The following MICAL2 variants were observed in gnomAD, a reference collection of about 807,000 sequenced individuals.
The protein encoded by MICAL2 is [F-actin]-monooxygenase MICAL2.
Under a neutral mutation model 127.3 loss-of-function variants are expected in MICAL2, and 77 were observed. That is an observed-to-expected ratio of 0.60 (90% CI 0.50 to 0.73). The LOEUF is 0.73. Among genes scored for constraint, MICAL2 ranks in the 30% least tolerant of loss-of-function variants. MICAL2 has a pLI of 0.00. For synonymous variants in MICAL2, 570 were observed against 551.1 expected, an observed-to-expected ratio of 1.03 and a Z score of -0.48; for missense variants, 1,351 against 1,434.4, an observed-to-expected ratio of 0.94 and a Z score of 0.94.
At chr11:12,128,100 TC>T (rs1235207348) in intron 1 of MICAL2, among the ~76,000 whole-genome samples, 2 of 152,216 alleles carry the variant, frequency 1.3e-5, no homozygotes, top group Admixed American at 6.5e-5. Flanking sequence ...TCCTTTCTTG[TC>T]CTGAAGCCAA....
rs1346390705 is a variant in MICAL2 at position 12,111,145 on chromosome 11, C to G, written c.-149+419C>G. Among the ~76,000 whole-genome samples, 3 of 152,220 alleles carry G rather than the reference C, an allele frequency of 2.0e-5. 1 individual carries two copies. The highest frequency in any genetic ancestry group is 2.9e-5 in the Non-Finnish European group (2 of 68,048). ...TTGGGGCTCCGAGCCTTGCACGCCC[C>G]GTTCCAGCTCTTCACTGGGCGCCCT... On this transcript the variant is annotated intron_variant, in intron 1 of 27. Transcript: ENST00000683283.
intron 1 of MICAL2, among the ~76,000 whole-genome samples, chr11:12,132,227 C>A (rs1341458912): frequency 6.6e-6 from 1 of 152,204 alleles, no homozygotes; most frequent in African/African-American, 2.4e-5. Flanking sequence ...GTTGAATAAT[C>A]TTTCCTGGCT....
chr11:12,295,123 G>A (rs1863969552), downstream of MICAL2, among the ~76,000 whole-genome samples: 1 of 143,788 alleles, frequency 7.0e-6, no homozygotes. Context: ...TTTTTACTAA[G>A]TTGTACATAA....
intron 3 of MICAL2, among the ~76,000 whole-genome samples, chr11:12,178,471 G>A (rs1472870562): frequency 6.6e-6 from 1 of 151,910 alleles, no homozygotes; most frequent in African/African-American, 2.4e-5. Context: ...TATGGGGGTG[G>A]GGGGCAGGCA....
chr11:12,252,803 G>C (rs1861732233), intron 22 of MICAL2: 1 of 152,160 alleles, frequency 6.6e-6, no homozygotes, highest in Non-Finnish European at 1.5e-5. Flanking sequence ...GGGCAGTCTT[G>C]GGTTTTGATG....
intron 2 of MICAL2, among the ~76,000 whole-genome samples, chr11:12,143,149 G>A (rs921404960): frequency 4.6e-5 from 7 of 152,344 alleles, no homozygotes; most frequent in Admixed American, 1.3e-4. Flanking sequence ...GAGGGGCTGT[G>A]AGACTTGGGT....
At chr11:12,115,996 T>C (rs1486037955) in intron 1 of MICAL2, among the ~76,000 whole-genome samples, 7 of 150,790 alleles carry the variant, frequency 4.6e-5, no homozygotes, top group African/African-American at 7.3e-5. Flanking sequence ...TTTTTTTTTT[T>C]CTGAGATGGA....
chr11:12,319,381 G>C (rs1285369149), intron 29 of MICAL2, among the ~76,000 whole-genome samples: 1 of 151,796 alleles, frequency 6.6e-6, no homozygotes, highest in African/African-American at 2.4e-5. Flanking sequence ...AATGCATTCT[G>C]AGCAACACAC....
At chr11:12,317,058 C>G (rs1413758860) in intron 29 of MICAL2, among the ~76,000 whole-genome samples, 2 of 152,146 alleles carry the variant, frequency 1.3e-5, no homozygotes, top group Non-Finnish European at 2.9e-5. Context: ...TAGAGTTTCT[C>G]TTTATGTATC....
intron 25 of MICAL2, 134 bp downstream of exon 25, chr11:12,258,690 T>C: frequency 1.3e-6 from 1 of 760,982 alleles, no homozygotes; most frequent in Non-Finnish European, 2.1e-6. Context: ...AGAAAGCCTC[T>C]GCTTCCTGGT....
chr11:12,168,422 A>G (rs1261261702), intron 3 of MICAL2, among the ~76,000 whole-genome samples: 2 of 150,562 alleles, frequency 1.3e-5, no homozygotes, highest in Non-Finnish European at 3.0e-5. Flanking sequence ...CATACCCCCC[A>G]CACACCATAT....
chr11:12,273,513 G>A (rs570173985), upstream of MICAL2, among the ~76,000 whole-genome samples: 4 of 149,516 alleles, frequency 2.7e-5, no homozygotes, highest in Non-Finnish European at 4.4e-5. Flanking sequence ...CTACAAACTA[G>A]CAACCCACTT....
intron 1 of MICAL2, among the ~76,000 whole-genome samples, chr11:12,125,378 C>T (rs990035091): frequency 3.3e-5 from 5 of 152,194 alleles, no homozygotes; most frequent in Admixed American, 6.5e-5. Context: ...CTCGACCTCC[C>T]GAGTAGCTGG....
At chr11:12,194,127 A>G (rs980520087) in intron 3 of MICAL2, among the ~76,000 whole-genome samples, 1 of 152,200 alleles carries the variant, frequency 6.6e-6, no homozygotes, top group Non-Finnish European at 1.5e-5. Context: ...CATTGGGTAG[A>G]TTGACAGCAC....
At chr11:12,239,637 A>C (rs749441656) in intron 17 of MICAL2, 52 bp downstream of exon 17, 21 of 1,589,822 alleles carry the variant, frequency 1.3e-5, no homozygotes, top group Non-Finnish European at 1.8e-5. Context: ...ACTTTTCAGC[A>C]GGAATGTTCT....
At chr11:12,358,691 C>T, downstream of MICAL2, 1 of 371,948 alleles carries the variant, frequency 2.7e-6, no homozygotes, top group Non-Finnish European at 4.7e-6. Flanking sequence ...GACTCTTTGG[C>T]AATTGGCAGT....
intron 3 of MICAL2, among the ~76,000 whole-genome samples, chr11:12,167,114 C>G (rs1387780386): frequency 2.0e-5 from 3 of 152,056 alleles, no homozygotes; most frequent in Non-Finnish European, 4.4e-5. Context: ...CCAATCCTGT[C>G]CAGGGTTCTT....
chr11:12,120,892 G>A (rs529144777), intron 1 of MICAL2, among the ~76,000 whole-genome samples: 1 of 152,304 alleles, frequency 6.6e-6, no homozygotes, highest in African/African-American at 2.4e-5. Context: ...CACGGGAGGT[G>A]CACACTGCCA....
intron 25 of MICAL2, among the ~76,000 whole-genome samples, chr11:12,259,256 G>C (rs2134688404): frequency 6.6e-6 from 1 of 152,246 alleles, no homozygotes; most frequent in Non-Finnish European, 1.5e-5. Context: ...TTTTCTATGT[G>C]AATGTATTTT....
Sources: allele counts gnomAD v4.1 joint callset (sites outside exome capture counted in the v4.1 genomes callset), GRCh38; gene constraint gnomAD v4.1.1; transcripts MANE v1.5; gene names NCBI Gene and HGNC (gene_info 2026-07-23, HGNC 2026-07-21).